The following LTBP1 variants were observed in gnomAD, a reference collection of about 807,000 sequenced individuals.
LTBP1 encodes the protein latent-transforming growth factor beta-binding protein 1.
Under a neutral mutation model 207.6 loss-of-function variants are expected in LTBP1, and 129 were observed. The ratio of observed to expected loss-of-function variants is 0.62; its 90% CI spans 0.54 to 0.72. The LOEUF is 0.72. Ranked by LOEUF, LTBP1 falls within the 30% of genes least tolerant of loss-of-function variation. The pLI is 0.00. For synonymous variants in LTBP1, 963 were observed against 833.7 expected, an observed-to-expected ratio of 1.16 and a Z score of -2.67; for missense variants, 2,281 against 2,217.2, an observed-to-expected ratio of 1.03 and a Z score of -0.58.
chr2:33,267,229 G>A (rs1486004276), intron 15 of LTBP1, among the ~76,000 whole-genome samples: 1 of 152,222 alleles, frequency 6.6e-6, no homozygotes, highest in Admixed American at 6.5e-5. Flanking sequence ...ATGCTTGCTT[G>A]CTCACACACC....
chr2:33,273,727 A>G lies in LTBP1; in HGVS notation c.2689A>G (p.Thr897Ala). ...CTGCATTAACCTACCAGTGAGATAT[A>G]CCTGTATATGCTACGAGGGCTACAG... ...GHCINLPVRY[T>A]CICYEGYRFS... The change falls in exon 16 of 34, where the codon ACC becomes GCC. Residue 897 changes from threonine to alanine, a missense_variant. By Grantham distance (58) the Thr-to-Ala change is moderately conservative. Transcript: ENST00000404816. The G allele has an allele frequency of 6.2e-7, 1 of 1,612,264 alleles. No homozygotes were observed. The highest frequency in any genetic ancestry group is 1.1e-5 in the South Asian group (1 of 90,830).
At chr2:33,328,070 G>A (rs1163879431) in intron 24 of LTBP1, among the ~76,000 whole-genome samples, 2 of 151,638 alleles carry the variant, frequency 1.3e-5, no homozygotes, top group Non-Finnish European at 2.9e-5. Context: ...GGAAGGTGAA[G>A]GTTGCAGTGA....
chr2:33,121,542 T>C (rs2081121830), intron 4 of LTBP1, among the ~76,000 whole-genome samples: 1 of 152,110 alleles, frequency 6.6e-6, no homozygotes, highest in Non-Finnish European at 1.5e-5. Context: ...CCAACACCCC[T>C]TAATGGCTAC....
At chr2:33,110,539 A>G (rs1234406958) in intron 3 of LTBP1, 43 bp from the exon 4 acceptor site, 1 of 1,557,868 alleles carries the variant, frequency 6.4e-7, no homozygotes, top group African/African-American at 1.4e-5. Context: ...GACTTTTAAA[A>G]GCCCATTATT....
chr2:33,165,371 G>C (rs1443549366), intron 5 of LTBP1, among the ~76,000 whole-genome samples: 3 of 152,210 alleles, frequency 2.0e-5, no homozygotes, highest in Non-Finnish European at 4.4e-5. Context: ...GCTACAATTG[G>C]CATCTGGTTA....
intron 9 of LTBP1, among the ~76,000 whole-genome samples, chr2:33,234,819 C>G (rs1463791035): frequency 6.6e-6 from 1 of 152,068 alleles, no homozygotes; most frequent in Non-Finnish European, 1.5e-5. Context: ...TGACTTCAAA[C>G]TGTACTACAA....
At chr2:32,952,959 A>G (rs1572791068) in intron 2 of LTBP1, among the ~76,000 whole-genome samples, 1 of 152,194 alleles carries the variant, frequency 6.6e-6, no homozygotes, top group South Asian at 2.1e-4. Context: ...AGCTTTTACC[A>G]TGTGCCAGGT....
At chr2:33,261,522 C>T (rs1309502227) in intron 13 of LTBP1, among the ~76,000 whole-genome samples, 1 of 151,958 alleles carries the variant, frequency 6.6e-6, no homozygotes, top group Non-Finnish European at 1.5e-5. Flanking sequence ...AGAGTGAGTC[C>T]GGCCTAGGGT....
At chr2:33,353,899 A>G (rs2094818722) in intron 26 of LTBP1, among the ~76,000 whole-genome samples, 1 of 144,764 alleles carries the variant, frequency 6.9e-6, no homozygotes, top group Non-Finnish European at 1.5e-5. Context: ...TCTCTCTGTC[A>G]CCCAGGCTGG....
At chr2:33,276,533 A>G (rs773362583) in intron 18 of LTBP1, among the ~76,000 whole-genome samples, 2 of 152,246 alleles carry the variant, frequency 1.3e-5, no homozygotes, top group Non-Finnish European at 2.9e-5. Context: ...GTTTGTGTCC[A>G]AGTTGCTCTG....
chr2:33,244,961 C>T (rs1478542917), intron 10 of LTBP1, among the ~76,000 whole-genome samples: 1 of 152,154 alleles, frequency 6.6e-6, no homozygotes, highest in Non-Finnish European at 1.5e-5. Flanking sequence ...TCATTGCAAC[C>T]TCTGCCTCCC....
At chr2:33,285,973 C>T (rs1320960023) in intron 19 of LTBP1, 2 of 152,038 alleles carry the variant, frequency 1.3e-5, no homozygotes, top group Non-Finnish European at 2.9e-5. Flanking sequence ...TTAGTGATTC[C>T]TAACAAATGT....
chr2:33,245,324 G>A (rs1193189229), intron 10 of LTBP1, among the ~76,000 whole-genome samples: 13 of 152,078 alleles, frequency 8.5e-5, no homozygotes, highest in Admixed American at 8.5e-4. Flanking sequence ...TTAACTCTTT[G>A]CCCTAAGGTG....
At chr2:33,288,870 A>AG (rs1296719237) in intron 19 of LTBP1, among the ~76,000 whole-genome samples, 2 of 151,436 alleles carry the variant, frequency 1.3e-5, no homozygotes, top group African/African-American at 4.8e-5. Flanking sequence ...AAAAAAAAAA[A>AG]GAAAAAAGAA....
At chr2:33,126,884 G>T (rs2081469127) in intron 4 of LTBP1, among the ~76,000 whole-genome samples, 1 of 152,116 alleles carries the variant, frequency 6.6e-6, no homozygotes, top group Non-Finnish European at 1.5e-5. Flanking sequence ...GATTCTCTGA[G>T]ACTCTAATTT....
chr2:33,278,008 A>G (rs1305851712), intron 18 of LTBP1, among the ~76,000 whole-genome samples: 1 of 148,448 alleles, frequency 6.7e-6, no homozygotes, highest in South Asian at 2.1e-4. Flanking sequence ...TTTTTTTTCT[A>G]TTTTTAGTAG....
chr2:33,108,833 G>C (rs1015447813), intron 3 of LTBP1, among the ~76,000 whole-genome samples: 2 of 152,198 alleles, frequency 1.3e-5, no homozygotes, highest in African/African-American at 4.8e-5. Flanking sequence ...GTCACTACCA[G>C]ATGTGTCCAG....
At chr2:32,994,184 G>T (rs893087469) in intron 2 of LTBP1, among the ~76,000 whole-genome samples, 10 of 152,144 alleles carry the variant, frequency 6.6e-5, no homozygotes, top group African/African-American at 1.9e-4. Flanking sequence ...AGGTCTTTAC[G>T]TAGAACCTAA....
intron 5 of LTBP1, among the ~76,000 whole-genome samples, chr2:33,136,773 C>T (rs1200156430): frequency 6.6e-6 from 1 of 152,176 alleles, no homozygotes; most frequent in Non-Finnish European, 1.5e-5. Flanking sequence ...TTGAAACACA[C>T]CACACACTTT....
Sources: gnomAD v4.1 joint callset for allele counts (sites outside exome capture counted in the v4.1 genomes callset) on GRCh38, gnomAD v4.1.1 for gene constraint, MANE v1.5 for transcripts, NCBI Gene and HGNC (gene_info 2026-07-23, HGNC 2026-07-21) for gene names.